The following PREX2 variants were observed in gnomAD, a reference collection of about 807,000 sequenced individuals.
The protein encoded by PREX2 is phosphatidylinositol-3,4,5-trisphosphate dependent Rac exchange factor 2.
Under a neutral mutation model 203.2 loss-of-function variants are expected in PREX2, and 107 were observed. That is an observed-to-expected ratio of 0.53 (90% confidence interval 0.45 to 0.62). PREX2 has a LOEUF of 0.62. Ranked by LOEUF, PREX2 falls within the 20% of genes least tolerant of loss-of-function variation. PREX2 has a pLI of 0.00. For missense variants in PREX2, 1,777 were observed against 1,955.9 expected, an observed-to-expected ratio of 0.91 and a Z score of 1.72; for synonymous variants, 672 against 663.6, an observed-to-expected ratio of 1.01 and a Z score of -0.19.
chr8:68,126,090 T>C (rs1025309504), intron 30 of PREX2, among the ~76,000 whole-genome samples: 1 of 152,152 alleles, frequency 6.6e-6, no homozygotes, highest in African/African-American at 2.4e-5. Context: ...CTTAATGATA[T>C]AATAAAATCT....
chr8:68,115,619 A>G, intron 25 of PREX2, 134 bp from the exon 26 acceptor site: 1 of 561,186 alleles, frequency 1.8e-6, no homozygotes, highest in South Asian at 3.2e-5. Context: ...TTTTTATGCA[A>G]TAGAATATTT....
chr8:68,094,411 T>C (rs1183726465), intron 21 of PREX2, among the ~76,000 whole-genome samples: 2 of 152,224 alleles, frequency 1.3e-5, no homozygotes, highest in African/African-American at 4.8e-5. Context: ...ACGGTTATCA[T>C]TTCTGTTTCC....
At chr8:68,165,409 T>G (rs1811741895) in intron 35 of PREX2, among the ~76,000 whole-genome samples, 3 of 152,050 alleles carry the variant, frequency 2.0e-5, no homozygotes, top group Admixed American at 2.0e-4. Context: ...ATTCATTTAT[T>G]TATTTACTTA....
chr8:68,099,492 G>A lies in PREX2; in HGVS notation c.2554-190G>A, dbSNP rs188752972. ...GATCACTTCACTGACAGCGCCTCCT[G>A]ACTGAAGGTAGAAATTCCCTGGCAG... On this transcript the variant is annotated intron_variant, in intron 22 of 39. Transcript: ENST00000288368. 1.9e-3 allele frequency among the ~76,000 whole-genome samples: 290 copies of A among 152,260 alleles called. 1 individual carries two copies. The South Asian group carries it at 0.02, about 11-fold the overall frequency.
At chr8:68,097,746 A>T (rs937543438) in intron 22 of PREX2, among the ~76,000 whole-genome samples, 1 of 152,242 alleles carries the variant, frequency 6.6e-6, no homozygotes, top group Non-Finnish European at 1.5e-5. Flanking sequence ...GCAGGTGTTC[A>T]TTGATATGGC....
chr8:68,015,429 G>A (rs894907765), intron 1 of PREX2, among the ~76,000 whole-genome samples: 1 of 152,128 alleles, frequency 6.6e-6, no homozygotes, highest in East Asian at 1.9e-4. Flanking sequence ...ATATTGTCAC[G>A]GAGGATAAGA....
rs1041877612 is a variant in PREX2 at position 68,133,925 on chromosome 8, G to C, written c.3767-134G>C. The C allele has an allele frequency of 4.0e-5, 27 of 677,154 alleles. No individual in the cohort carries two copies. The East Asian group carries it at 4.3e-4, about 11-fold the overall frequency. The allele number at this position is 677,154 out of a possible 1,614,324, so 41.9% of individuals were successfully genotyped here. On this transcript the variant is annotated intron_variant, in intron 31 of 39. Transcript: ENST00000288368. The stretch of plus-strand genomic sequence containing the variant: ...TAGAATGTGTGTGGTCATTTATAGA[G>C]CTCAAATTCACATTTTTCACATGCG...
chr8:68,176,288 G>A (rs1353363083), intron 35 of PREX2, among the ~76,000 whole-genome samples: 1 of 152,128 alleles, frequency 6.6e-6, no homozygotes, highest in Non-Finnish European at 1.5e-5. Context: ...TATCTTCTGA[G>A]CCAGGTATGA....
Position 68,224,623 on chromosome 8 carries a change from C to G in PREX2, c.4772C>G (p.Pro1591Arg). 6.2e-7 allele frequency: 1 copy of G among 1,611,910 alleles called. No individual in the cohort carries two copies. Among genetic ancestry groups the G allele is most frequent in the Non-Finnish European group, 8.5e-7 (1 of 1,178,328 alleles). Reference sequence around the variant, plus strand: ...AGAGACCGGACTCCACAGTCTGCACCAAGGTAAGTGCATCCCCTGCTCTGC... The same window carrying G: ...AGAGACCGGACTCCACAGTCTGCACGAAGGTAAGTGCATCCCCTGCTCTGC... Reference protein sequence around the residue: ...GVRDRTPQSAPRLYKLCEPPP... With the variant: ...GVRDRTPQSARRLYKLCEPPP... The change falls in exon 39 of 40, where the codon CCA (proline) becomes CGA (arginine). Residue 1591 changes from proline (P) to arginine (R), a missense_variant. Transcript: ENST00000288368.
intron 35 of PREX2, among the ~76,000 whole-genome samples, chr8:68,161,868 T>C (rs1811661796): frequency 6.6e-6 from 1 of 152,114 alleles, no homozygotes; most frequent in Non-Finnish European, 1.5e-5. Context: ...CAGGACTGGG[T>C]AATTATAAAG....
intron 8 of PREX2, among the ~76,000 whole-genome samples, chr8:68,051,335 A>C (rs1383095235): frequency 1.4e-5 from 2 of 146,946 alleles, no homozygotes; most frequent in Non-Finnish European, 2.9e-5. Flanking sequence ...AGTAATGGTT[A>C]AAGGTATAAT....
intron 37 of PREX2, among the ~76,000 whole-genome samples, chr8:68,194,332 A>G (rs7007322): frequency 0.9 from 137,462 of 152,154 alleles, 62,162 homozygotes; most frequent in East Asian, 1. Context: ...TAATGTGGCA[A>G]GTGGAATAAA....
At chr8:68,036,887 C>A (rs1246621208) in intron 6 of PREX2, among the ~76,000 whole-genome samples, 1 of 151,968 alleles carries the variant, frequency 6.6e-6, no homozygotes, top group East Asian at 1.9e-4. Context: ...TTGTGGCGAG[C>A]CAATATCGTG....
chr8:68,158,890 T>C (rs1240946096), intron 35 of PREX2, among the ~76,000 whole-genome samples: 1 of 152,172 alleles, frequency 6.6e-6, no homozygotes. Flanking sequence ...CATTCCCAAG[T>C]AGTTCTGTCA....
intron 33 of PREX2, among the ~76,000 whole-genome samples, chr8:68,139,106 G>A (rs1811169717): frequency 6.6e-6 from 1 of 152,094 alleles, no homozygotes; most frequent in Non-Finnish European, 1.5e-5. Flanking sequence ...TCTCTTATGG[G>A]GCTTAAGTTA....
intron 35 of PREX2, among the ~76,000 whole-genome samples, chr8:68,172,931 G>A (rs745610612): frequency 4.6e-5 from 7 of 152,062 alleles, no homozygotes; most frequent in Non-Finnish European, 8.8e-5. Flanking sequence ...GATTATTTAC[G>A]ACTGATTTCA....
At chr8:67,956,350 A>G (rs971204728) in intron 1 of PREX2, among the ~76,000 whole-genome samples, 1 of 152,220 alleles carries the variant, frequency 6.6e-6, no homozygotes, top group Non-Finnish European at 1.5e-5. Flanking sequence ...ATGGATGCAC[A>G]TCCTGTGCAG....
At chr8:68,118,948 T>G (rs1168582338) in intron 27 of PREX2, 1 of 530,712 alleles carries the variant, frequency 1.9e-6, no homozygotes, top group African/African-American at 1.9e-5. Flanking sequence ...ACTGGAAGTA[T>G]TAGGCATGGT....
At chr8:68,041,294 G>C (rs1808190068) in intron 7 of PREX2, among the ~76,000 whole-genome samples, 1 of 152,128 alleles carries the variant, frequency 6.6e-6, no homozygotes, top group Non-Finnish European at 1.5e-5. Flanking sequence ...ACTTAAGGGA[G>C]AGTTATTCTT....
Sources: allele counts gnomAD v4.1 joint callset (sites outside exome capture counted in the v4.1 genomes callset), GRCh38; gene constraint gnomAD v4.1.1; transcripts MANE v1.5; gene names NCBI Gene and HGNC (gene_info 2026-07-23, HGNC 2026-07-21).